The following FRMPD1 variants were observed in gnomAD, a reference collection of about 807,000 sequenced individuals.
The protein encoded by FRMPD1 is FERM and PDZ domain containing 1, also known as FERM and PDZ domain-containing protein 1.
A neutral mutation model predicts 117.8 loss-of-function variants in FRMPD1; 76 were observed. That is an observed-to-expected ratio of 0.65 (90% CI 0.54 to 0.78). The LOEUF is 0.78. FRMPD1 is among the 30% of genes least tolerant of loss of function. FRMPD1 has a pLI of 0.00. For missense variants in FRMPD1, 1,786 were observed against 1,964.5 expected, an observed-to-expected ratio of 0.91 and a Z score of 1.72; for synonymous variants, 783 against 770.4, an observed-to-expected ratio of 1.02 and a Z score of -0.27.
At chr9:37,648,735 G>A (rs535601766), upstream of FRMPD1, among the ~76,000 whole-genome samples, 63 of 152,248 alleles carry the variant, frequency 4.1e-4, no homozygotes, top group African/African-American at 1.5e-3. Context: ...CCCAGAGGAA[G>A]GAAGTGCCAC....
chr9:37,657,854 C>T (rs558611711), intron 1 of FRMPD1, among the ~76,000 whole-genome samples: 2 of 152,050 alleles, frequency 1.3e-5, no homozygotes, highest in African/African-American at 4.8e-5. Context: ...CAGGAATTCC[C>T]CTAGCATACC....
At chr9:37,604,150 T>G in the FRMPD1 span, among the ~76,000 whole-genome samples, 1 of 152,178 alleles carries the variant, frequency 6.6e-6, no homozygotes, top group African/African-American at 2.4e-5. Flanking sequence ...TTTGAGGCTA[T>G]GAACTATAAA....
At chr9:37,637,970 T>TTTC in the FRMPD1 span, among the ~76,000 whole-genome samples, 3 of 83,962 alleles carry the variant, frequency 3.6e-5, no homozygotes, top group African/African-American at 1.4e-4. Context: ...TATGCTTTCT[T>TTTC]TCTTTCTTTC....
In FRMPD1 at chr9:37,729,823, C is replaced by T. The variant is rs779366853; in HGVS notation, c.708C>T (p.His236=). ...LEEQYSISRL[H]LLHEEELIQQ... ...AGCAGTACAGCATCTCCCGGCTGCA[C>T]CTGCTGCACGAAGAGGAACTCATCC... The change falls in exon 8 of 16, where the codon CAC becomes CAT. Residue 236 remains histidine, a synonymous_variant. Transcript: ENST00000377765. The T allele has an allele frequency of 5.0e-6, 8 of 1,613,876 alleles. No individual in the cohort carries two copies. Among genetic ancestry groups the T allele is most frequent in the Non-Finnish European group, 6.8e-6 (8 of 1,179,964 alleles).
chr9:37,648,423 T>C (rs1239700694), upstream of FRMPD1, among the ~76,000 whole-genome samples: 18 of 152,168 alleles, frequency 1.2e-4, no homozygotes, highest in Admixed American at 1.2e-3. Context: ...AAGACTTTGC[T>C]GCACGATCAA....
At chr9:37,609,583 T>G in the FRMPD1 span, among the ~76,000 whole-genome samples, 1 of 152,202 alleles carries the variant, frequency 6.6e-6, no homozygotes, top group African/African-American at 2.4e-5. Flanking sequence ...ACTTCCCTGC[T>G]TCAAACCACC....
intron 13 of FRMPD1, among the ~76,000 whole-genome samples, chr9:37,736,357 G>C (rs1824126085): frequency 6.6e-6 from 1 of 151,680 alleles, no homozygotes; most frequent in Non-Finnish European, 1.5e-5. Flanking sequence ...AGCTTTGAGT[G>C]GTGGGCATTA....
the FRMPD1 span, among the ~76,000 whole-genome samples, chr9:37,637,704 G>A: frequency 6.6e-6 from 1 of 152,182 alleles, no homozygotes; most frequent in Admixed American, 6.5e-5. Flanking sequence ...AATCTCTCCA[G>A]GCCCAGGATT....
At chr9:37,742,138 A>AAATG (rs1027205285) in intron 15 of FRMPD1, among the ~76,000 whole-genome samples, 4 of 151,080 alleles carry the variant, frequency 2.6e-5, no homozygotes, top group Non-Finnish European at 5.9e-5. Context: ...AATTGTTGTT[A>AAATG]AATGAATGAA....
the FRMPD1 span, chr9:37,636,845 G>A: frequency 6.8e-6 from 11 of 1,610,938 alleles, no homozygotes; most frequent in African/African-American, 1.1e-4. Flanking sequence ...CTTGGCACTC[G>A]TCTCCAAGAA....
rs1238355264 is a variant in FRMPD1, at chr9:37,744,549, G to A, written c.2517G>A (p.Arg839=). 1 of 1,614,128 alleles carries A rather than the reference G, an allele frequency of 6.2e-7. No homozygotes were observed. The highest frequency in any genetic ancestry group is 1.3e-5 in the African/African-American group (1 of 75,026). The part of the protein sequence containing the change: ...KKYAKTLRKR[R]SFLQTDYTSQ... ...ATGCCAAGACCCTGAGGAAAAGAAGGTCTTTCCTACAGACCGACTACACCT... is the reference window on the plus strand; with the variant it reads ...ATGCCAAGACCCTGAGGAAAAGAAGATCTTTCCTACAGACCGACTACACCT... Residue 839 remains arginine (R), a synonymous_variant, in exon 16 of 16, where the codon AGG becomes AGA. Coordinates refer to ENST00000377765, the MANE Select transcript of FRMPD1 (RefSeq NM_014907.3).
chr9:37,638,442 C>G, the FRMPD1 span, among the ~76,000 whole-genome samples: 1 of 152,166 alleles, frequency 6.6e-6, no homozygotes, highest in African/African-American at 2.4e-5. Flanking sequence ...GGAGAGCAGC[C>G]TGACAATGCC....
upstream of FRMPD1, among the ~76,000 whole-genome samples, chr9:37,647,391 A>G (rs1022090754): frequency 2.6e-5 from 4 of 151,838 alleles, no homozygotes; most frequent in African/African-American, 7.3e-5. Flanking sequence ...GGGCACCTGT[A>G]GTCCCAGCTA....
chr9:37,666,798 G>A (rs1821173456), intron 1 of FRMPD1, among the ~76,000 whole-genome samples: 1 of 152,132 alleles, frequency 6.6e-6, no homozygotes, highest in African/African-American at 2.4e-5. Context: ...ATGCATAAAG[G>A]AATGAAACGG....
At chr9:37,675,417 T>TAAAAAA (rs55853255) in intron 1 of FRMPD1, among the ~76,000 whole-genome samples, 1 of 137,586 alleles carries the variant, frequency 7.3e-6, no homozygotes. Flanking sequence ...TGAGACTGTC[T>TAAAAAA]AAAAAAAAAA....
chr9:37,672,144 C>T (rs1353713902), intron 1 of FRMPD1, among the ~76,000 whole-genome samples: 2 of 152,142 alleles, frequency 1.3e-5, no homozygotes, highest in African/African-American at 4.8e-5. Context: ...TGCACAGCTC[C>T]ATGAATATAC....
chr9:37,636,834 T>C, the FRMPD1 span: 1 of 1,612,056 alleles, frequency 6.2e-7, no homozygotes, highest in Non-Finnish European at 8.5e-7. Context: ...TTGGTGGCAT[T>C]CTTGGCACTC....
intron 7 of FRMPD1, among the ~76,000 whole-genome samples, chr9:37,729,098 ACTAG>A (rs1214624206): frequency 6.6e-6 from 1 of 151,920 alleles, no homozygotes; most frequent in African/African-American, 2.4e-5. Flanking sequence ...ATACAAAAAA[ACTAG>A]CTGTGTGTGG....
At chr9:37,720,676 A>G (rs1158625532) in intron 6 of FRMPD1, among the ~76,000 whole-genome samples, 1 of 151,892 alleles carries the variant, frequency 6.6e-6, no homozygotes, top group Non-Finnish European at 1.5e-5. Context: ...CTCAAAAAAA[A>G]AAGAGATCGA....
Sources: allele counts gnomAD v4.1 joint callset (sites outside exome capture counted in the v4.1 genomes callset), GRCh38; gene constraint gnomAD v4.1.1; transcripts MANE v1.5; gene names NCBI Gene and HGNC (gene_info 2026-07-23, HGNC 2026-07-21).